Variants in SCN2A observed in about 807,000 individuals in gnomAD.
SCN2A encodes sodium voltage-gated channel alpha subunit 2.
SCN2A carries 20 observed loss-of-function variants against 188.7 expected under a neutral mutation model. The observed-to-expected ratio is 0.11, with a 90% CI of 0.07 to 0.15. SCN2A has a LOEUF of 0.15. Ranked by LOEUF, SCN2A falls within the 10% of genes least tolerant of loss-of-function variation. SCN2A has a pLI of 1.00. For missense variants in SCN2A, 1,278 were observed against 2,445.0 expected (o/e 0.52, Z 10.07); for synonymous variants, 804 against 833.1 (o/e 0.97, Z 0.60).
rs1184911203 is a variant in SCN2A, at chr2:165,276,069, T to A, written c.-51-19704T>A. The stretch of plus-strand genomic sequence containing the variant: ...TTTAATCCTCACAATAATCTAGGTA[T>A]TTTGACCAAAGAACCACAGCTAGAA... On this transcript the variant is annotated intron_variant, in intron 1 of 26. Transcript: ENST00000375437. Among the ~76,000 whole-genome samples, 5 of 152,260 alleles carry A rather than the reference T, an allele frequency of 3.3e-5. No individual in the cohort carries two copies. The South Asian group carries it at 1.0e-3, about 32-fold the overall frequency.
intron 1 of SCN2A, among the ~76,000 whole-genome samples, chr2:165,242,878 G>A (rs748456230): frequency 2.0e-5 from 3 of 152,140 alleles, no homozygotes; most frequent in Admixed American, 1.3e-4. Context: ...ACTCACTTTG[G>A]GTGGCCTGTT....
intron 1 of SCN2A, among the ~76,000 whole-genome samples, chr2:165,265,806 C>CTTCT (rs770230480): frequency 6.5e-4 from 98 of 149,842 alleles, no homozygotes; most frequent in South Asian, 1.5e-3. Flanking sequence ...TTTTTTCCTT[C>CTTCT]TTCTTTCTTT....
Position 165,391,367 on chromosome 2 carries a change from A to G in SCN2A, c.*1543A>G, listed in dbSNP as rs780668997. On this transcript the variant is annotated 3_prime_UTR_variant, in exon 27 of 27. Coordinates refer to ENST00000375437, the MANE Select transcript of SCN2A (RefSeq NM_001040142.2). ...TATGGTTAGAGTTTTCTAAGAAAAT[A>G]TAAATACTGTAAAAAGTTCATTTTA... The G allele has an allele frequency of 6.6e-6, 1 of 152,588 alleles. No homozygotes were observed. Among genetic ancestry groups the G allele is most frequent in the African/African-American group, 2.4e-5 (1 of 41,452 alleles). 9.5% of individuals were successfully genotyped at this position (152,588 alleles called of 1,614,324 possible).
chr2:165,308,920 A>G (rs905172363), intron 5 of SCN2A, 126 bp downstream of exon 5: 3 of 1,299,352 alleles, frequency 2.3e-6, no homozygotes, highest in Non-Finnish European at 3.2e-6. Context: ...GTTTTCTTCC[A>G]ATCAAATTAT....
intron 14 of SCN2A, among the ~76,000 whole-genome samples, chr2:165,332,154 T>A (rs182533856): frequency 1.3e-5 from 2 of 151,986 alleles, no homozygotes; most frequent in East Asian, 3.9e-4. Flanking sequence ...TAAAGTGGTC[T>A]TATACAGAGA....
chr2:165,359,425 A>G (rs1700342719), intron 17 of SCN2A, among the ~76,000 whole-genome samples: 2 of 152,204 alleles, frequency 1.3e-5, no homozygotes, highest in East Asian at 3.9e-4. Context: ...GAGGCATATT[A>G]TCCATCAACG....
chr2:165,278,339 G>C (rs1025563810), intron 1 of SCN2A, among the ~76,000 whole-genome samples: 1 of 152,272 alleles, frequency 6.6e-6, no homozygotes, highest in African/African-American at 2.4e-5. Flanking sequence ...GGCATGACTG[G>C]GGAGGCGTCA....
rs752255191 is a variant in SCN2A, at chr2:165,391,412, G to C, written c.*1588G>C. The C allele has an allele frequency of 6.6e-6, 1 of 152,434 alleles. No individual in the cohort carries two copies. The highest frequency in any genetic ancestry group is 2.4e-5 in the African/African-American group (1 of 41,396). 9.4% of individuals were successfully genotyped at this position (152,434 alleles called of 1,614,324 possible). ...ATTTTATTTTATTTTTCAGCCTTTT[G>C]TACGTAAAATGAGAAATTAAAAGTA... On this transcript the variant is annotated 3_prime_UTR_variant, in exon 27 of 27. Transcript: ENST00000375437.
At chr2:165,332,186 C>CA (rs774263957) in intron 14 of SCN2A, among the ~76,000 whole-genome samples, 1 of 151,386 alleles carries the variant, frequency 6.6e-6, no homozygotes, top group South Asian at 2.1e-4. Flanking sequence ...GAAAATCACG[C>CA]AAAAAAGTAT....
At chr2:165,365,722 A>G (rs956896112) in intron 18 of SCN2A, among the ~76,000 whole-genome samples, 13 of 152,130 alleles carry the variant, frequency 8.5e-5, no homozygotes, top group Non-Finnish European at 5.9e-5. Context: ...GTACATTTAA[A>G]TTTGTCCTTG....
chr2:165,331,908 A>G (rs1347016238), intron 14 of SCN2A, among the ~76,000 whole-genome samples: 1 of 152,142 alleles, frequency 6.6e-6, no homozygotes, highest in African/African-American at 2.4e-5. Flanking sequence ...TTTACTAAAC[A>G]AATGATAAAA....
intron 1 of SCN2A, among the ~76,000 whole-genome samples, chr2:165,258,792 A>T (rs1694443353): frequency 6.6e-6 from 1 of 152,238 alleles, no homozygotes. Context: ...AGGGACATGG[A>T]TGGAGCTGGG....
rs760647603 is a variant in SCN2A at position 165,354,530 on chromosome 2, C to T, written c.3258C>T (p.Val1086=). ...SGIGSSVEKY[V]VDESDYMSFI... is the part of the protein sequence containing the mutation. Reference sequence around the variant, plus strand: ...TAGGCAGCAGTGTAGAAAAATATGTCGTGGATGAAAGTGATTACATGTCAT... The same window carrying T: ...TAGGCAGCAGTGTAGAAAAATATGTTGTGGATGAAAGTGATTACATGTCAT... The change falls in exon 17 of 27, where the codon GTC becomes GTT. Residue 1086 remains valine, a synonymous_variant. Transcript: ENST00000375437. 42 of 1,613,902 alleles carry T rather than the reference C, an allele frequency of 2.6e-5. No homozygotes were observed. Among genetic ancestry groups the T allele is most frequent in the African/African-American group, 9.3e-5 (7 of 74,880 alleles).
chr2:165,328,637 G>A (rs898897272), intron 13 of SCN2A: 5 of 362,966 alleles, frequency 1.4e-5, no homozygotes, highest in Middle Eastern at 1.3e-3. Context: ...CACAAGATTG[G>A]ACTTGCCAAC....
intron 1 of SCN2A, among the ~76,000 whole-genome samples, chr2:165,278,855 G>C (rs1229878157): frequency 6.6e-6 from 1 of 152,138 alleles, no homozygotes; most frequent in Non-Finnish European, 1.5e-5. Context: ...TCTTGGGCCT[G>C]GGAGGTCAAG....
Position 165,307,769 on chromosome 2 carries a change from C to T in SCN2A, c.387-79C>T. The T allele has an allele frequency of 1.1e-5, 10 of 940,960 alleles. 1 individual carries two copies. Among genetic ancestry groups the T allele is most frequent in the South Asian group, 6.5e-5 (5 of 76,810 alleles). 58.3% of individuals were successfully genotyped at this position (940,960 alleles called of 1,614,324 possible). A position where few individuals can be genotyped will look rare whatever the true frequency, so the allele number is the denominator to read the frequency against. ...TAATAGTAAGCACTAAAGTTTTAAA[C>T]TTCATGGTGGTGAAGGCATGGTAGT... On this transcript the variant is annotated intron_variant, in intron 3 of 26. Coordinates refer to ENST00000375437, the MANE Select transcript of SCN2A (RefSeq NM_001040142.2).
At position 165,286,645 on chromosome 2, in the gene SCN2A, A is replaced by G. The variant is rs537691191; in HGVS notation, c.-51-9128A>G. Among the ~76,000 whole-genome samples, 5 of 152,252 alleles carry G rather than the reference A, an allele frequency of 3.3e-5. No individual in the cohort carries two copies. The East Asian group carries it at 9.7e-4, about 29-fold the overall frequency. ...CTTTGGCCCCAAAGGAAAGTTCTAAATGTTGCTCTGTAAATCCATTTGGTG... is the reference window on the plus strand; with the variant it reads ...CTTTGGCCCCAAAGGAAAGTTCTAAGTGTTGCTCTGTAAATCCATTTGGTG... On this transcript the variant is annotated intron_variant, in intron 1 of 26. Transcript: ENST00000375437.
At chr2:165,310,795 T>C (rs1386947978) in intron 7 of SCN2A, 200 bp downstream of exon 7, 3 of 348,234 alleles carry the variant, frequency 8.6e-6, no homozygotes, top group Non-Finnish European at 1.5e-5. Flanking sequence ...AAGTTCTCAT[T>C]TGAAAATGTG....
chr2:165,284,872 T>C (rs991062518), intron 1 of SCN2A, among the ~76,000 whole-genome samples: 3 of 152,208 alleles, frequency 2.0e-5, no homozygotes, highest in African/African-American at 7.2e-5. Flanking sequence ...TTAGAGACGG[T>C]TGAATGAGTT....
Sources: gnomAD v4.1 joint callset for allele counts (sites outside exome capture counted in the v4.1 genomes callset) on GRCh38, gnomAD v4.1.1 for gene constraint, MANE v1.5 for transcripts, NCBI Gene and HGNC (gene_info 2026-07-23, HGNC 2026-07-21) for gene names.